MSN: variants seen among roughly 807,000 people sequenced by gnomAD.
The protein encoded by MSN is moesin.
Under a neutral mutation model 48.0 loss-of-function variants are expected in MSN, and 2 were observed. The ratio of observed to expected loss-of-function variants is 0.04; its 90% confidence interval spans 0.02 to 0.13. MSN has a LOEUF of 0.13. Among genes scored for constraint, MSN ranks in the 10% least tolerant of loss-of-function variants. The probability of loss-of-function intolerance (pLI) is 1.00; values close to 1 mark genes in which losing one functional copy is unlikely to be tolerated. For missense variants in MSN, 267 were observed against 470.1 expected (o/e 0.57, Z 3.99); for synonymous variants, 146 against 166.9 (o/e 0.87, Z 0.97).
At chrX:65,622,510 GTTTTTTTTT>G (rs1216557190) in intron 1 of MSN, among the ~76,000 whole-genome samples, 1 of 66,458 alleles carries the variant, frequency 1.5e-5, no homozygotes, top group African/African-American at 4.7e-5. Flanking sequence ...AGGCATCTTT[GTTTTTTTTT>G]TTTTTTTTTT....
intron 2 of MSN, among the ~76,000 whole-genome samples, chrX:65,718,216 C>T (rs1258389593): frequency 1.8e-5 from 2 of 109,867 alleles, no homozygotes; most frequent in Non-Finnish European, 1.9e-5. Context: ...CCTCATTTTC[C>T]TAGTTAGACC....
Position 65,634,551 on chromosome X carries a change from T to G in MSN, c.-22+45939T>G, listed in dbSNP as rs1451153627. Among the ~76,000 whole-genome samples the G allele has an allele frequency of 3.6e-5, 4 of 110,408 alleles. No homozygotes were observed. The Admixed American group carries it at 3.9e-4, about 11-fold the overall frequency. On this transcript the variant is annotated intron_variant, in intron 1 of 3. Transcript: ENST00000609672. Reference sequence around the variant, plus strand: ...TCACTTGAACCCGGGAGGCAGAGGTTGTAGTGAGCCGAGATCGCAACACTG... The same window carrying G: ...TCACTTGAACCCGGGAGGCAGAGGTGGTAGTGAGCCGAGATCGCAACACTG...
intron 1 of MSN, among the ~76,000 whole-genome samples, chrX:65,695,507 CAAAAAAA>C (rs759652563): frequency 1.5e-4 from 2 of 12,963 alleles, no homozygotes; most frequent in Non-Finnish European, 2.1e-4. Flanking sequence ...AACTCTGTCT[CAAAAAAA>C]AAAAAAAAAA....
rs1196031076 is a variant in MSN at position 65,741,895 on chromosome X, T to C, written c.*2002T>C. 6.3e-6 allele frequency: 1 copy of C among 157,528 alleles called. No individual in the cohort carries two copies. Among genetic ancestry groups the C allele is most frequent in the African/African-American group, 3.0e-5 (1 of 33,404 alleles). 13.0% of individuals were successfully genotyped at this position (157,528 alleles called of 1,213,427 possible). On this transcript the variant is annotated 3_prime_UTR_variant, in exon 13 of 13. Transcript: ENST00000360270. ...TGGAGGGGTTTATGCTCAATCCATGTTCTATTTCAGTGCCAATAAAATTTA... is the reference window on the plus strand; with the variant it reads ...TGGAGGGGTTTATGCTCAATCCATGCTCTATTTCAGTGCCAATAAAATTTA...
At chrX:65,609,610 G>A (rs1203789518) in intron 1 of MSN, among the ~76,000 whole-genome samples, 2 of 111,658 alleles carry the variant, frequency 1.8e-5, no homozygotes, top group Admixed American at 9.5e-5. Flanking sequence ...CTGGCCAGGC[G>A]CGGTGGCTCA....
intron 1 of MSN, among the ~76,000 whole-genome samples, chrX:65,608,294 G>A (rs957096097): frequency 9.0e-6 from 1 of 111,714 alleles, no homozygotes; most frequent in East Asian, 2.8e-4. Flanking sequence ...ATGAGGCAGG[G>A]TGAGTGAAGA....
At chrX:65,683,794 A>C (rs2071082157) in intron 1 of MSN, among the ~76,000 whole-genome samples, 1 of 111,579 alleles carries the variant, frequency 9.0e-6, no homozygotes, top group Non-Finnish European at 1.9e-5. Flanking sequence ...TTCATTATGA[A>C]ACTAAACATG....
At chrX:65,679,914 G>T (rs973828982) in intron 1 of MSN, among the ~76,000 whole-genome samples, 1 of 112,580 alleles carries the variant, frequency 8.9e-6, no homozygotes, top group African/African-American at 3.2e-5. Context: ...GTTGGGTAGT[G>T]CTGGGCAGTG....
At chrX:65,643,187 T>A (rs2070670847) in intron 1 of MSN, among the ~76,000 whole-genome samples, 1 of 111,497 alleles carries the variant, frequency 9.0e-6, no homozygotes, top group East Asian at 2.8e-4. Context: ...TCAAGATACC[T>A]CCCCAATGTC....
chrX:65,613,921 G>T lies in MSN; in HGVS notation c.-22+25309G>T, dbSNP rs1212943086. On this transcript the variant is annotated intron_variant, in intron 1 of 3. Transcript: ENST00000609672. Reference sequence around the variant, plus strand: ...TTGGCTTTTGTTGCAATTGCTTTTGGTGTTTTAGTCATGAAGTCTTTGCCT... The same window carrying T: ...TTGGCTTTTGTTGCAATTGCTTTTGTTGTTTTAGTCATGAAGTCTTTGCCT... Among the ~76,000 whole-genome samples the T allele has an allele frequency of 8.0e-5, 9 of 111,946 alleles. No individual in the cohort carries two copies. In the South Asian group the frequency reaches 3.3e-3, roughly 41 times the overall value.
chrX:65,671,548 C>T (rs368802563), intron 1 of MSN, among the ~76,000 whole-genome samples: 48 of 111,723 alleles, frequency 4.3e-4, no homozygotes, highest in East Asian at 3.7e-3. Flanking sequence ...AGTCTTTTAA[C>T]CCTTGAACCA....
rs764277729 is a variant in MSN, at chrX:65,729,791, G to A, written c.467+79G>A. The A allele has an allele frequency of 1.2e-5, 13 of 1,045,114 alleles. No individual in the cohort carries two copies. The Admixed American group carries it at 1.3e-4, about 11-fold the overall frequency. The allele number at this position is 1,045,114 out of a possible 1,213,427, so 86.1% of individuals were successfully genotyped here. ...AGCTGACCAATCCCTGCCTCACAGGGATGCCAGATCTGTTCTTCTCCATTG... is the reference window on the plus strand; with the variant it reads ...AGCTGACCAATCCCTGCCTCACAGGAATGCCAGATCTGTTCTTCTCCATTG... On this transcript the variant is annotated intron_variant, in intron 4 of 12. Coordinates refer to ENST00000360270, the MANE Select transcript of MSN (RefSeq NM_002444.3).
chrX:65,687,707 T>C (rs904686448), intron 1 of MSN, among the ~76,000 whole-genome samples: 5 of 111,795 alleles, frequency 4.5e-5, no homozygotes, highest in Non-Finnish European at 9.4e-5. Context: ...AGAGGCAGCA[T>C]ATTTATGAGA....
chrX:65,708,499 G>T (rs1410641525), intron 1 of MSN, among the ~76,000 whole-genome samples: 1 of 110,090 alleles, frequency 9.1e-6, no homozygotes, highest in South Asian at 3.9e-4. Context: ...TGCCATGTTG[G>T]CCAAGCTGGT....
At chrX:65,655,148 T>TTGAA (rs753510555) in intron 1 of MSN, among the ~76,000 whole-genome samples, 3 of 111,107 alleles carry the variant, frequency 2.7e-5, no homozygotes, top group Non-Finnish European at 5.7e-5. Flanking sequence ...AGTCAGATAG[T>TTGAA]TGAATGAATG....
chrX:65,612,245 C>G lies in MSN; in HGVS notation c.-22+23633C>G, dbSNP rs1003493772. On this transcript the variant is annotated intron_variant, in intron 1 of 3. Transcript: ENST00000609672. Reference sequence around the variant, plus strand: ...AAGTTTGGTCCCCTTTTCTCTCTCTCTCACCCTCTCTTGCCCTCTAGCCTT... The same window carrying G: ...AAGTTTGGTCCCCTTTTCTCTCTCTGTCACCCTCTCTTGCCCTCTAGCCTT... Among the ~76,000 whole-genome samples the G allele has an allele frequency of 1.5e-4, 17 of 111,011 alleles. No homozygotes were observed. The Admixed American group carries it at 1.6e-3, about 11-fold the overall frequency.
chrX:65,637,345 TGAG>T (rs1208857630), intron 1 of MSN, among the ~76,000 whole-genome samples: 3 of 104,290 alleles, frequency 2.9e-5, no homozygotes, highest in Non-Finnish European at 5.8e-5. Flanking sequence ...GAGGTTGCGG[TGAG>T]CCGAGATCAT....
chrX:65,694,683 C>A (rs1263261662), intron 1 of MSN, among the ~76,000 whole-genome samples: 1 of 112,233 alleles, frequency 8.9e-6, no homozygotes, highest in Non-Finnish European at 1.9e-5. Flanking sequence ...AACAGTGATG[C>A]CAATGACTGG....
intron 1 of MSN, among the ~76,000 whole-genome samples, chrX:65,636,865 A>G (rs1327428759): frequency 3.6e-5 from 3 of 83,759 alleles, no homozygotes; most frequent in Non-Finnish European, 6.9e-5. Flanking sequence ...GCGGATCACG[A>G]GGTCAGGAGA....
Sources: gnomAD v4.1 joint callset for allele counts (sites outside exome capture counted in the v4.1 genomes callset) on GRCh38, gnomAD v4.1.1 for gene constraint, MANE v1.5 for transcripts, NCBI Gene and HGNC (gene_info 2026-07-23, HGNC 2026-07-21) for gene names.